The following EHMT1 variants were observed in gnomAD, a reference collection of about 807,000 sequenced individuals.
The protein encoded by EHMT1 is euchromatic histone lysine methyltransferase 1.
In EHMT1, 15 loss-of-function variants were observed where a neutral mutation model predicts 147.2. The ratio of observed to expected loss-of-function variants is 0.10; its 90% CI spans 0.07 to 0.16. EHMT1 has a LOEUF of 0.16. EHMT1 is among the 10% of genes least tolerant of loss of function. The pLI, the probability that EHMT1 is intolerant of heterozygous loss-of-function variation, is 1.00. For missense variants in EHMT1, 1,587 were observed against 1,772.4 expected (o/e 0.90, Z 1.88); for synonymous variants, 795 against 709.6 (o/e 1.12, Z -1.91).
At chr9:137,825,750 A>G (rs556265654) in intron 25 of EHMT1, among the ~76,000 whole-genome samples, 35 of 152,212 alleles carry the variant, frequency 2.3e-4, no homozygotes, top group African/African-American at 7.0e-4. Flanking sequence ...GTGTGGGTCC[A>G]TTGTTTTGTG....
intron 10 of EHMT1, among the ~76,000 whole-genome samples, chr9:137,765,608 G>A (rs1422274786): frequency 2.0e-5 from 3 of 151,980 alleles, no homozygotes; most frequent in Admixed American, 1.3e-4. Flanking sequence ...GGTAAACACC[G>A]CCAAGGTGGA....
At chr9:137,697,601 G>T (rs1023801878) in intron 1 of EHMT1, among the ~76,000 whole-genome samples, 2 of 151,654 alleles carry the variant, frequency 1.3e-5, no homozygotes, top group African/African-American at 4.9e-5. Flanking sequence ...GTTGAGATTA[G>T]AAATTTTTCC....
intron 10 of EHMT1, among the ~76,000 whole-genome samples, chr9:137,768,171 C>G (rs115076601): frequency 0.037 from 5,588 of 152,180 alleles, 149 homozygotes; most frequent in Middle Eastern, 0.072. Context: ...ACACATTTCC[C>G]AGAACACACC....
chr9:137,642,039 C>T (rs1021737929), intron 1 of EHMT1, among the ~76,000 whole-genome samples: 6 of 151,542 alleles, frequency 4.0e-5, no homozygotes, highest in African/African-American at 1.5e-4. Context: ...GGAGTTTCGT[C>T]AAGTTGGCCA....
intron 8 of EHMT1, among the ~76,000 whole-genome samples, chr9:137,754,678 T>C (rs1364983202): frequency 1.3e-5 from 2 of 152,092 alleles, no homozygotes; most frequent in Non-Finnish European, 1.5e-5. Context: ...ATGCCCAGCT[T>C]ATTTTTTTGT....
chr9:137,831,398 G>T (rs1027703074), intron 25 of EHMT1, among the ~76,000 whole-genome samples: 7 of 152,242 alleles, frequency 4.6e-5, no homozygotes, highest in African/African-American at 1.4e-4. Context: ...TTCTTTTTGG[G>T]GCATTCAGGT....
chr9:137,802,843 C>A, intron 18 of EHMT1: 9 of 1,231,998 alleles, frequency 7.3e-6, no homozygotes, highest in Non-Finnish European at 9.1e-6. Flanking sequence ...GAGTTCTTTC[C>A]CACTGCGGGT....
intron 18 of EHMT1, among the ~76,000 whole-genome samples, chr9:137,808,367 G>T (rs1954126467): frequency 6.6e-6 from 1 of 152,184 alleles, no homozygotes; most frequent in South Asian, 2.1e-4. Context: ...GAGCTGGGCA[G>T]CCACGGGCTC....
At chr9:137,757,790 C>A (rs975656615) in intron 8 of EHMT1, 90 bp from the exon 9 acceptor site, 1 of 1,598,038 alleles carries the variant, frequency 6.3e-7, no homozygotes, top group Non-Finnish European at 8.5e-7. Context: ...TAGTCCATTT[C>A]CTGGGGCCCC....
intron 1 of EHMT1, among the ~76,000 whole-genome samples, chr9:137,697,437 G>T (rs776520671): frequency 6.6e-6 from 1 of 152,198 alleles, no homozygotes; most frequent in African/African-American, 2.4e-5. Context: ...GGGATCGGCC[G>T]GCCTGGCCTT....
At chr9:137,665,760 A>C (rs1013767554) in intron 1 of EHMT1, among the ~76,000 whole-genome samples, 7 of 152,206 alleles carry the variant, frequency 4.6e-5, no homozygotes, top group African/African-American at 1.4e-4. Flanking sequence ...GTCTCGTTAA[A>C]TGGTTTCCAT....
intron 18 of EHMT1, chr9:137,802,913 A>G: frequency 6.5e-6 from 8 of 1,232,664 alleles, no homozygotes; most frequent in Middle Eastern, 3.1e-4. Context: ...AGAAGAGGGA[A>G]GCAGAGGAGC....
At chr9:137,800,348 C>G (rs1180802485) in intron 17 of EHMT1, 1 of 166,714 alleles carries the variant, frequency 6.0e-6, no homozygotes, top group African/African-American at 2.4e-5. Context: ...GGGCGTCCGC[C>G]TCTGTCCACC....
intron 14 of EHMT1, 29 bp downstream of exon 14, chr9:137,779,746 T>C (rs770154670): frequency 1.2e-6 from 2 of 1,611,206 alleles, no homozygotes; most frequent in Non-Finnish European, 1.7e-6. Flanking sequence ...CCCGGGCACA[T>C]GCAGCCGGCC....
chr9:137,665,859 G>C (rs967379487), intron 1 of EHMT1: 3 of 152,250 alleles, frequency 2.0e-5, no homozygotes, highest in African/African-American at 7.2e-5. Flanking sequence ...GCGGCCGCGT[G>C]CAGCTCTGGA....
intron 2 of EHMT1, among the ~76,000 whole-genome samples, chr9:137,714,376 G>A (rs1945012684): frequency 1.3e-5 from 2 of 152,082 alleles, no homozygotes; most frequent in Admixed American, 6.6e-5. Context: ...CCTGTCTAAT[G>A]AGATGCTTGT....
chr9:137,696,282 T>TC lies in EHMT1; in HGVS notation c.22-14684dup, dbSNP rs570175115. Among the ~76,000 whole-genome samples, 3 of 152,284 alleles carry TC rather than the reference T, an allele frequency of 2.0e-5. No homozygotes were observed. The East Asian group carries it at 5.8e-4, about 29-fold the overall frequency. ...AAATTAGGGGGCGGGTAGAGAGTGC[T>TC]CTTCATCTCACGAGTTTCCTGGACC... On this transcript the variant is annotated intron_variant, in intron 1 of 26. Coordinates refer to ENST00000460843, the MANE Select transcript of EHMT1 (RefSeq NM_024757.5).
chr9:137,754,427 G>T, intron 8 of EHMT1, 136 bp downstream of exon 8: 5 of 1,287,860 alleles, frequency 3.9e-6, no homozygotes, highest in Non-Finnish European at 5.3e-6. Flanking sequence ...TGTTTGAAAT[G>T]ACTTTGTTAG....
chr9:137,793,838 A>G (rs1341308727), intron 16 of EHMT1, among the ~76,000 whole-genome samples: 2 of 152,204 alleles, frequency 1.3e-5, no homozygotes, highest in African/African-American at 2.4e-5. Flanking sequence ...GAGAGTAGGG[A>G]GATTCATAGA....
Sources: allele counts gnomAD v4.1 joint callset (sites outside exome capture counted in the v4.1 genomes callset), GRCh38; gene constraint gnomAD v4.1.1; transcripts MANE v1.5; gene names NCBI Gene and HGNC (gene_info 2026-07-23, HGNC 2026-07-21).